The following MBD5 variants were observed in gnomAD, a reference collection of about 807,000 sequenced individuals.
The protein encoded by MBD5 is methyl-CpG binding domain protein 5, also known as methyl-CpG-binding domain protein 5.
Under a neutral mutation model 117.3 loss-of-function variants are expected in MBD5, and 13 were observed. That is an observed-to-expected ratio of 0.11 (90% CI 0.07 to 0.18). MBD5 has a LOEUF of 0.18. MBD5 is among the 10% of genes least tolerant of loss of function. The pLI is 1.00. For synonymous variants in MBD5, 727 were observed against 766.4 expected (o/e 0.95, Z 0.85); for missense variants, 1,879 against 2,093.8 (o/e 0.90, Z 2.00).
intron 2 of MBD5, among the ~76,000 whole-genome samples, chr2:148,194,961 CT>C (rs1369338989): frequency 6.6e-6 from 1 of 152,028 alleles, no homozygotes; most frequent in Non-Finnish European, 1.5e-5. Context: ...GGTTGGCAAA[CT>C]TTTTATTAAA....
intron 8 of MBD5, among the ~76,000 whole-genome samples, chr2:148,479,318 A>C (rs966728233): frequency 6.6e-6 from 1 of 152,116 alleles, no homozygotes; most frequent in Non-Finnish European, 1.5e-5. Flanking sequence ...TACACTGGAG[A>C]GTTCATTTTC....
intron 2 of MBD5, among the ~76,000 whole-genome samples, chr2:148,207,539 A>G (rs1699315498): frequency 6.6e-6 from 1 of 152,088 alleles, no homozygotes; most frequent in South Asian, 2.1e-4. Context: ...TCAGTCCATA[A>G]CAGATCATTC....
At chr2:148,291,261 G>A (rs1389304956) in intron 3 of MBD5, among the ~76,000 whole-genome samples, 8 of 152,144 alleles carry the variant, frequency 5.3e-5, no homozygotes, top group African/African-American at 1.4e-4. Flanking sequence ...GTTTGATAGA[G>A]ATTACATTGA....
chr2:148,484,269 T>A, intron 9 of MBD5, 134 bp downstream of exon 9: 1 of 742,300 alleles, frequency 1.3e-6, no homozygotes, highest in Non-Finnish European at 2.1e-6. Context: ...CTTAAGGAAC[T>A]AAATATAACA....
chr2:148,462,438 C>A, intron 5 of MBD5, 144 bp from the exon 6 acceptor site: 2 of 644,744 alleles, frequency 3.1e-6, no homozygotes, highest in South Asian at 3.6e-5. Flanking sequence ...AATTTAGTAG[C>A]TAACATAATA....
intron 1 of MBD5, among the ~76,000 whole-genome samples, chr2:148,024,396 A>G (rs1186195081): frequency 6.6e-6 from 1 of 152,210 alleles, no homozygotes. Context: ...ATATTCTCTT[A>G]TAAATGCTTA....
At chr2:148,083,089 A>T (rs543530127) in intron 1 of MBD5, among the ~76,000 whole-genome samples, 1 of 152,156 alleles carries the variant, frequency 6.6e-6, no homozygotes, top group Admixed American at 6.6e-5. Flanking sequence ...CTCTGTTGTC[A>T]TGTTTGCCAG....
chr2:148,131,741 T>C (rs1159614012), intron 1 of MBD5, among the ~76,000 whole-genome samples: 1 of 152,176 alleles, frequency 6.6e-6, no homozygotes, highest in Non-Finnish European at 1.5e-5. Context: ...AATAAGGAAA[T>C]TTTTGTATGC....
chr2:148,481,110 A>AT (rs1314732526), intron 8 of MBD5, among the ~76,000 whole-genome samples: 1 of 152,044 alleles, frequency 6.6e-6, no homozygotes, highest in Non-Finnish European at 1.5e-5. Context: ...CAATTACGAA[A>AT]TTTTTTCTAA....
chr2:148,148,758 G>A (rs1317869091), intron 1 of MBD5, among the ~76,000 whole-genome samples: 1 of 152,034 alleles, frequency 6.6e-6, no homozygotes, highest in Non-Finnish European at 1.5e-5. Context: ...GATAGAACCA[G>A]CTGAAACATT....
intron 11 of MBD5, among the ~76,000 whole-genome samples, chr2:148,501,546 A>G (rs1681872388): frequency 6.6e-6 from 1 of 152,208 alleles, no homozygotes; most frequent in Non-Finnish European, 1.5e-5. Flanking sequence ...ATGTTTTTCT[A>G]AAAGTGCTTT....
chr2:148,357,223 T>C (rs1397901709), intron 4 of MBD5, among the ~76,000 whole-genome samples: 1 of 152,216 alleles, frequency 6.6e-6, no homozygotes, highest in Non-Finnish European at 1.5e-5. Flanking sequence ...TTTTTTATAA[T>C]AGTCTTCACA....
At chr2:148,454,588 G>A (rs531278359) in intron 4 of MBD5, among the ~76,000 whole-genome samples, 1 of 152,222 alleles carries the variant, frequency 6.6e-6, no homozygotes, top group Non-Finnish European at 1.5e-5. Flanking sequence ...ACATAACCCA[G>A]AAGGATACAG....
At chr2:148,382,404 A>G (rs1349998167) in intron 4 of MBD5, among the ~76,000 whole-genome samples, 1 of 152,222 alleles carries the variant, frequency 6.6e-6, no homozygotes, top group Non-Finnish European at 1.5e-5. Context: ...AGAAGAACTA[A>G]CTATGCTAAA....
At chr2:148,240,520 G>A (rs1427591380) in intron 3 of MBD5, among the ~76,000 whole-genome samples, 1 of 152,082 alleles carries the variant, frequency 6.6e-6, no homozygotes, top group African/African-American at 2.4e-5. Flanking sequence ...AAAGTGCTGG[G>A]ATTATAGGCA....
chr2:148,181,250 G>A (rs1574103217), intron 2 of MBD5, among the ~76,000 whole-genome samples: 1 of 151,988 alleles, frequency 6.6e-6, no homozygotes, highest in East Asian at 1.9e-4. Context: ...ACAGTATATG[G>A]CAGCCATATT....
chr2:148,430,418 G>GT lies in MBD5; in HGVS notation c.-556-27778dup, dbSNP rs1705949223. On this transcript the variant is annotated intron_variant, in intron 4 of 13. Transcript: ENST00000642680. Reference sequence around the variant, plus strand: ...GCTAATTTTTTCAATTTCATATGTTGTTTTTTTAAAAAATGTGTATCTATA... The same window carrying GT: ...GCTAATTTTTTCAATTTCATATGTTGTTTTTTTTAAAAAATGTGTATCTATA... 6.6e-5 allele frequency among the ~76,000 whole-genome samples: 10 copies of GT among 152,060 alleles called. No homozygotes were observed. The South Asian group carries it at 1.9e-3, about 28-fold the overall frequency.
At chr2:148,447,446 T>A (rs1434031752) in intron 4 of MBD5, 1 of 152,192 alleles carries the variant, frequency 6.6e-6, no homozygotes, top group Non-Finnish European at 1.5e-5. Context: ...AATTCATCAT[T>A]TATCCTTTTG....
At chr2:148,321,515 A>G (rs948728568) in intron 3 of MBD5, among the ~76,000 whole-genome samples, 8 of 152,112 alleles carry the variant, frequency 5.3e-5, no homozygotes, top group Non-Finnish European at 7.4e-5. Flanking sequence ...CTAGGTGTGC[A>G]GGTGTGGGAA....
Sources: allele counts gnomAD v4.1 joint callset (sites outside exome capture counted in the v4.1 genomes callset), GRCh38; gene constraint gnomAD v4.1.1; transcripts MANE v1.5; gene names NCBI Gene and HGNC (gene_info 2026-07-23, HGNC 2026-07-21).